BLOC1S5: variants seen among roughly 807,000 people sequenced by gnomAD.
The protein encoded by BLOC1S5 is biogenesis of lysosomal organelles complex 1 subunit 5.
BLOC1S5 carries 27 observed loss-of-function variants against 24.3 expected under a neutral mutation model. The observed-to-expected ratio is 1.11, with a 90% CI of 0.82 to 1.53. The LOEUF is 1.53. BLOC1S5 is among the 40% of genes most tolerant of loss of function. The pLI is 0.00. For synonymous variants in BLOC1S5, 84 were observed against 74.5 expected (o/e 1.13, Z -0.66); for missense variants, 239 against 229.4 (o/e 1.04, Z -0.27).
At chr6:8,060,118 G>A (rs771764651) in intron 2 of BLOC1S5, among the ~76,000 whole-genome samples, 48 of 152,184 alleles carry the variant, frequency 3.2e-4, no homozygotes, top group Admixed American at 8.5e-4. Flanking sequence ...AAGTAAATTA[G>A]GGTGACATGA....
At chr6:8,052,515 A>G (rs1345385426) in intron 2 of BLOC1S5, among the ~76,000 whole-genome samples, 1 of 152,160 alleles carries the variant, frequency 6.6e-6, no homozygotes, top group Non-Finnish European at 1.5e-5. Context: ...TCCAACCCTC[A>G]TGGGTGACTT....
chr6:8,039,090 T>C (rs1037683301), intron 3 of BLOC1S5, among the ~76,000 whole-genome samples: 2 of 152,346 alleles, frequency 1.3e-5, no homozygotes, highest in African/African-American at 4.8e-5. Flanking sequence ...ATATACACAA[T>C]GGAATATTAT....
intron 3 of BLOC1S5, among the ~76,000 whole-genome samples, chr6:8,031,749 TG>T (rs1763306616): frequency 6.6e-6 from 1 of 152,102 alleles, no homozygotes; most frequent in South Asian, 2.1e-4. Context: ...CAAAACAGCA[TG>T]GAACTGGCAT....
chr6:8,022,429 A>G (rs1762943996), intron 4 of BLOC1S5, among the ~76,000 whole-genome samples: 1 of 151,968 alleles, frequency 6.6e-6, no homozygotes, highest in African/African-American at 2.4e-5. Context: ...AGTAATATGC[A>G]TGCCATTAAT....
intron 4 of BLOC1S5, among the ~76,000 whole-genome samples, chr6:8,024,812 C>T (rs1254606599): frequency 6.6e-6 from 1 of 152,148 alleles, no homozygotes; most frequent in African/African-American, 2.4e-5. Flanking sequence ...TTTTATAATG[C>T]AATTTACCCA....
At chr6:8,063,613 T>A (rs1757337163) in intron 1 of BLOC1S5, among the ~76,000 whole-genome samples, 1 of 152,170 alleles carries the variant, frequency 6.6e-6, no homozygotes, top group African/African-American at 2.4e-5. Context: ...GCACTGTATA[T>A]AAGCACTTTA....
intron 2 of BLOC1S5, among the ~76,000 whole-genome samples, chr6:8,050,524 C>A (rs902576424): frequency 2.6e-5 from 4 of 152,036 alleles, no homozygotes; most frequent in South Asian, 2.1e-4. Flanking sequence ...GTGAAGAATG[C>A]ATGTTGAAAG....
At chr6:8,053,471 C>G (rs1281854243) in intron 2 of BLOC1S5, among the ~76,000 whole-genome samples, 1 of 152,206 alleles carries the variant, frequency 6.6e-6, no homozygotes, top group Non-Finnish European at 1.5e-5. Context: ...AAGATTATGA[C>G]TTGCTGAAGG....
At chr6:8,047,006 A>T (rs971694150) in intron 2 of BLOC1S5, among the ~76,000 whole-genome samples, 3 of 151,626 alleles carry the variant, frequency 2.0e-5, no homozygotes, top group Admixed American at 6.6e-5. Context: ...CTGGCCTCAA[A>T]CTCCTGAGCT....
intron 3 of BLOC1S5, among the ~76,000 whole-genome samples, chr6:8,035,344 T>TC (rs58954934): frequency 0.27 from 25,794 of 94,024 alleles, 2,456 homozygotes; most frequent in East Asian, 0.37. Context: ...GGAATAAAAA[T>TC]CTTTTTTTTT....
intron 4 of BLOC1S5, among the ~76,000 whole-genome samples, chr6:8,017,435 T>C (rs928835080): frequency 6.6e-6 from 1 of 152,020 alleles, no homozygotes; most frequent in African/African-American, 2.4e-5. Context: ...TCACTGTTAA[T>C]TTTGGCATGT....
At chr6:8,035,461 G>C (rs1763455949) in intron 3 of BLOC1S5, among the ~76,000 whole-genome samples, 1 of 151,804 alleles carries the variant, frequency 6.6e-6, no homozygotes, top group Admixed American at 6.6e-5. Flanking sequence ...ATGTGCTAAT[G>C]AAAAGAACGT....
rs770301308 is a variant in BLOC1S5 at position 8,051,969 on chromosome 6, C to CTT, written c.195+10563_195+10564dup. Among the ~76,000 whole-genome samples, 611 of 110,014 alleles carry CTT rather than the reference C, an allele frequency of 5.6e-3. 9 individuals carry two copies. Among genetic ancestry groups the CTT allele is most frequent in the East Asian group, 0.021 (68 of 3,312 alleles). The allele number at this position is 110,014 out of a possible 152,430, so 72.2% of individuals were successfully genotyped here. On this transcript the variant is annotated intron_variant, in intron 2 of 4. Coordinates refer to ENST00000397457, the MANE Select transcript of BLOC1S5 (RefSeq NM_201280.3). ...ATGTCTGCTGATAGAACATCCATGC[C>CTT]TTTTTTTTTTTTTTTTTTTTTGAGA...
chr6:8,054,347 C>T, intron 2 of BLOC1S5: 1 of 402,440 alleles, frequency 2.5e-6, no homozygotes, highest in South Asian at 1.9e-5. Flanking sequence ...ACACTGTCTG[C>T]CTTTAACTAT....
rs376789498 is a variant in BLOC1S5 at position 8,041,256 on chromosome 6, G to T, written c.208C>A (p.Leu70Ile). 6 of 1,599,316 alleles carry T rather than the reference G, an allele frequency of 3.8e-6. No individual in the cohort carries two copies. The African/African-American group carries it at 5.5e-5, about 15-fold the overall frequency. ...FVKEFEEKRG[L>I]REMRVLENLK... Reference sequence around the variant, plus strand: ...TTTTCAAGAACTCGCATTTCTCGAAGACCACGTTTTTCCTATTAAAAGAAA... The same window carrying T: ...TTTTCAAGAACTCGCATTTCTCGAATACCACGTTTTTCCTATTAAAAGAAA... Residue 70 changes from leucine (L) to isoleucine (I), a missense_variant, in exon 3 of 5, where the codon CTT (leucine) becomes ATT (isoleucine). Physicochemically the swap from Leu to Ile is conservative, Grantham distance 5. Transcript: ENST00000397457.
intron 2 of BLOC1S5, among the ~76,000 whole-genome samples, chr6:8,061,577 T>C (rs1029678056): frequency 3.9e-5 from 6 of 152,208 alleles, no homozygotes; most frequent in African/African-American, 1.4e-4. Flanking sequence ...GAAATGCTTA[T>C]CTAATGCAAC....
chr6:8,015,975 T>C (rs1561851578), intron 4 of BLOC1S5, 147 bp from the exon 5 acceptor site: 4 of 668,420 alleles, frequency 6.0e-6, no homozygotes, highest in Non-Finnish European at 9.8e-6. Context: ...GATGACACAT[T>C]AGAAACATCT....
At chr6:8,027,771 C>T (rs1310964636) in intron 3 of BLOC1S5, among the ~76,000 whole-genome samples, 2 of 144,960 alleles carry the variant, frequency 1.4e-5, no homozygotes. Flanking sequence ...TGCAGTGAGC[C>T]AAGATCGTGC....
chr6:8,024,891 C>T (rs1462377536), intron 4 of BLOC1S5, among the ~76,000 whole-genome samples: 1 of 152,174 alleles, frequency 6.6e-6, no homozygotes, highest in African/African-American at 2.4e-5. Context: ...AAGGATTTGT[C>T]CAAGGGCTTA....
Sources: gnomAD v4.1 joint callset for allele counts (sites outside exome capture counted in the v4.1 genomes callset) on GRCh38, gnomAD v4.1.1 for gene constraint, MANE v1.5 for transcripts, NCBI Gene and HGNC (gene_info 2026-07-23, HGNC 2026-07-21) for gene names.